Variants in HLCS observed in about 807,000 individuals in gnomAD.
HLCS encodes the protein holocarboxylase synthetase, also known as biotin--protein ligase.
In HLCS, 53 loss-of-function variants were observed where a neutral mutation model predicts 75.0. The observed-to-expected ratio is 0.71, with a 90% CI of 0.57 to 0.89. HLCS has a LOEUF of 0.89. Ranked by LOEUF, HLCS falls within the 40% of genes least tolerant of loss-of-function variation. HLCS has a pLI of 0.00. For synonymous variants in HLCS, 431 were observed against 428.6 expected, an observed-to-expected ratio of 1.01 and a Z score of -0.07; for missense variants, 966 against 1,074.0, an observed-to-expected ratio of 0.90 and a Z score of 1.41.
chr21:36,985,769 GA>G (rs781350642), intron 1 of HLCS, among the ~76,000 whole-genome samples: 2,366 of 116,622 alleles, frequency 0.02, 51 homozygotes, highest in African/African-American at 0.064. Context: ...TGGTCTTGGG[GA>G]AAAAAAAAAA....
chr21:36,871,435 G>C (rs1047771965), intron 6 of HLCS, among the ~76,000 whole-genome samples: 1 of 152,040 alleles, frequency 6.6e-6, no homozygotes, highest in Admixed American at 6.6e-5. Context: ...TTAAATAAAA[G>C]AAAGGAGACA....
At chr21:36,970,972 C>T (rs1186196443), upstream of HLCS, among the ~76,000 whole-genome samples, 6 of 144,298 alleles carry the variant, frequency 4.2e-5, no homozygotes, top group African/African-American at 1.5e-4. Flanking sequence ...CCAGCCTGGG[C>T]GACAGAGCAA....
At chr21:36,979,340 T>C (rs1287677622) in intron 1 of HLCS, among the ~76,000 whole-genome samples, 1 of 151,680 alleles carries the variant, frequency 6.6e-6, no homozygotes, top group Admixed American at 6.6e-5. Context: ...ATAAATTTAA[T>C]GGAGCTGGAA....
intron 4 of HLCS, among the ~76,000 whole-genome samples, chr21:36,933,295 A>C (rs990921020): frequency 6.6e-6 from 1 of 152,114 alleles, no homozygotes. Flanking sequence ...GGGAAGAGGC[A>C]GAAAAGCAAA....
chr21:36,963,927 A>G (rs1322684093), intron 1 of HLCS, among the ~76,000 whole-genome samples: 1 of 152,154 alleles, frequency 6.6e-6, no homozygotes, highest in East Asian at 1.9e-4. Context: ...TAAGTGTATA[A>G]CATATGAGAA....
At chr21:36,852,325 G>A (rs538595975) in intron 6 of HLCS, among the ~76,000 whole-genome samples, 30 of 152,320 alleles carry the variant, frequency 2.0e-4, no homozygotes, top group African/African-American at 5.5e-4. Flanking sequence ...GATGAGATAA[G>A]CTGGATTACC....
At chr21:36,962,510 C>T (rs1054063104) in intron 1 of HLCS, among the ~76,000 whole-genome samples, 1 of 151,784 alleles carries the variant, frequency 6.6e-6, no homozygotes, top group African/African-American at 2.4e-5. Flanking sequence ...GGAGGCTGGC[C>T]GGCACAGTGG....
At chr21:36,868,258 A>AGAAGGAAG (rs933236112) in intron 6 of HLCS, among the ~76,000 whole-genome samples, 2 of 148,850 alleles carry the variant, frequency 1.3e-5, no homozygotes, top group African/African-American at 5.0e-5. Flanking sequence ...AAAGAAAGAG[A>AGAAGGAAG]GAAGGAAGGA....
intron 6 of HLCS, among the ~76,000 whole-genome samples, chr21:36,844,862 C>T (rs1386134702): frequency 6.6e-6 from 1 of 152,206 alleles, no homozygotes; most frequent in African/African-American, 2.4e-5. Flanking sequence ...CTAATTACAA[C>T]TGCTTTGGTG....
intron 6 of HLCS, among the ~76,000 whole-genome samples, chr21:36,780,937 C>T: frequency 7.4e-6 from 1 of 134,872 alleles, no homozygotes; most frequent in East Asian, 2.7e-4. Context: ...TGCCCCACCC[C>T]CCCACCCCCC....
intron 6 of HLCS, among the ~76,000 whole-genome samples, chr21:36,795,369 T>C (rs936510944): frequency 6.6e-6 from 1 of 152,210 alleles, no homozygotes; most frequent in African/African-American, 2.4e-5. Context: ...GGTCCCCTCC[T>C]GAGAGGCTCA....
chr21:36,940,268 A>T (rs965691668), intron 2 of HLCS, among the ~76,000 whole-genome samples: 3 of 152,154 alleles, frequency 2.0e-5, no homozygotes, highest in African/African-American at 7.2e-5. Context: ...CTTCCTAAAG[A>T]TACCTTCTCA....
rs1328487230 is a variant in HLCS, at chr21:36,750,178, C to G, written c.*4068G>C. Among the ~76,000 whole-genome samples, 1 of 152,022 alleles carries G rather than the reference C, an allele frequency of 6.6e-6. No individual in the cohort carries two copies. The highest frequency in any genetic ancestry group is 2.4e-5 in the African/African-American group (1 of 41,362). On this transcript the variant is annotated 3_prime_UTR_variant, in exon 11 of 11. Coordinates refer to ENST00000674895, the MANE Select transcript of HLCS (RefSeq NM_001352514.2). ...TTTCTTGACTTCTGTGAGGCTCCGGCAGGGGAAGAGGAAGCATTTTAATAC... is the reference window on the plus strand; with the variant it reads ...TTTCTTGACTTCTGTGAGGCTCCGGGAGGGGAAGAGGAAGCATTTTAATAC...
chr21:36,966,423 CCGCCCG>C lies in HLCS; in HGVS notation c.195+15_195+20del. 2.2e-6 allele frequency: 1 copy of C among 458,634 alleles called. No individual in the cohort carries two copies. Among genetic ancestry groups the C allele is most frequent in the Non-Finnish European group, 2.9e-6 (1 of 348,326 alleles). The allele number at this position is 458,634 out of a possible 1,614,324, so 28.4% of individuals were successfully genotyped here. ...TTCCGGCTCGCGGGGCCCGGGTCGC[CCGCCCG>C]CCCGACCCGCCCACCTGGCTGTCGC... On this transcript the variant is annotated intron_variant, in intron 1 of 10. Transcript: ENST00000674895.
At chr21:36,788,999 C>T (rs946130711) in intron 6 of HLCS, among the ~76,000 whole-genome samples, 2 of 152,202 alleles carry the variant, frequency 1.3e-5, no homozygotes, top group African/African-American at 4.8e-5. Context: ...TAAGAAGACG[C>T]ATCTCCTATG....
intron 1 of HLCS, among the ~76,000 whole-genome samples, chr21:36,972,694 G>A (rs2068824181): frequency 1.3e-5 from 2 of 152,102 alleles, no homozygotes; most frequent in African/African-American, 4.8e-5. Context: ...CATATTTTTG[G>A]TCTTATATAT....
chr21:36,951,622 C>T (rs542445904), intron 2 of HLCS, among the ~76,000 whole-genome samples: 1 of 152,180 alleles, frequency 6.6e-6, no homozygotes, highest in South Asian at 2.1e-4. Context: ...CTTTCATCTC[C>T]ATGTAACACA....
chr21:36,760,609 CAAA>C (rs571481654), intron 8 of HLCS, among the ~76,000 whole-genome samples: 11 of 96,056 alleles, frequency 1.1e-4, no homozygotes, highest in Admixed American at 1.2e-4. Context: ...GACTCTGTCT[CAAA>C]AAAAAAAAAA....
At chr21:36,935,236 T>A (rs2066826075) in intron 4 of HLCS, among the ~76,000 whole-genome samples, 1 of 152,234 alleles carries the variant, frequency 6.6e-6, no homozygotes. Context: ...GAACATTTAT[T>A]ACGCCTCCAA....
Sources: gnomAD v4.1 joint callset for allele counts (sites outside exome capture counted in the v4.1 genomes callset) on GRCh38, gnomAD v4.1.1 for gene constraint, MANE v1.5 for transcripts, NCBI Gene and HGNC (gene_info 2026-07-23, HGNC 2026-07-21) for gene names.